The following ZNF106 variants were observed in gnomAD, a reference collection of about 807,000 sequenced individuals.
The protein encoded by ZNF106 is zinc finger protein 106.
ZNF106 carries 67 observed loss-of-function variants against 195.1 expected under a neutral mutation model. The observed-to-expected ratio is 0.34, with a 90% CI of 0.28 to 0.42. The LOEUF is 0.42. Ranked by LOEUF, ZNF106 falls within the 10% of genes least tolerant of loss-of-function variation. The pLI, the probability that ZNF106 is intolerant of heterozygous loss-of-function variation, is 1.00. For synonymous variants in ZNF106, 784 were observed against 818.6 expected (o/e 0.96, Z 0.72); for missense variants, 2,118 against 2,304.5 (o/e 0.92, Z 1.66).
chr15:42,486,578 G>A (rs560510529), intron 1 of ZNF106, among the ~76,000 whole-genome samples: 3 of 152,184 alleles, frequency 2.0e-5, no homozygotes, highest in African/African-American at 7.2e-5. Flanking sequence ...TTACATCTAC[G>A]TATAGCTCAC....
At position 42,438,480 on chromosome 15, in the gene ZNF106, A is replaced by G; in HGVS notation, c.4600+132T>C. On this transcript the variant is annotated intron_variant, in intron 12 of 21. Transcript: ENST00000564754. ...AATATCAGAACTGTTGATCAAGGCA[A>G]TCCTCTTGGTGATAAACCCCTCCCC... 4.0e-6 allele frequency: 3 copies of G among 750,420 alleles called. No individual in the cohort carries two copies. The South Asian group carries it at 5.7e-5, about 14-fold the overall frequency. 46.5% of individuals were successfully genotyped at this position (750,420 alleles called of 1,614,324 possible).
Position 42,452,083 on chromosome 15 carries a change from T to C in ZNF106, c.318-129A>G, listed in dbSNP as rs533859063. On this transcript the variant is annotated intron_variant, in intron 4 of 21. Coordinates refer to ENST00000564754, the MANE Select transcript of ZNF106 (RefSeq NM_001366845.3). ...GAATATGTAACCGAGTCTGGTTTTA[T>C]ATCTAATAGTGGTTGTTTTCATATC... is the stretch of plus-strand genomic sequence containing the variant. The C allele has an allele frequency of 3.1e-4, 277 of 907,326 alleles. 4 individuals carry two copies. Among genetic ancestry groups the C allele is most frequent in the South Asian group, 2.4e-3 (125 of 51,836 alleles). 56.2% of individuals were successfully genotyped at this position (907,326 alleles called of 1,614,324 possible).
Position 42,442,173 on chromosome 15 carries a change from C to G in ZNF106, c.3663G>C (p.Gln1221His), listed in dbSNP as rs762546797. The change falls in exon 10 of 22, where the codon CAG (glutamine) becomes CAC (histidine). Residue 1221 changes from glutamine (Q) to histidine (H), a missense_variant. Physicochemically the swap from Gln to His is conservative, Grantham distance 24. Coordinates refer to ENST00000564754, the MANE Select transcript of ZNF106 (RefSeq NM_001366845.3). ...CAGGAGACATGGGCTCTTGTTTAAT[C>G]TGAACTGATGAGTCTGGAGCAGGGA... ...GSVPAPDSSV[Q>H]IKQEPMSPEQ... The G allele has an allele frequency of 1.9e-6, 3 of 1,614,162 alleles. No individual in the cohort carries two copies. The highest frequency in any genetic ancestry group is 1.3e-5 in the African/African-American group (1 of 75,022).
At chr15:42,444,163 G>T in intron 9 of ZNF106, 39 bp downstream of exon 9, 1 of 821,846 alleles carries the variant, frequency 1.2e-6, no homozygotes, top group Non-Finnish European at 1.9e-6. Flanking sequence ...AAAGTAACAC[G>T]CTATAGAGGG....
chr15:42,421,849 G>T, intron 19 of ZNF106, 68 bp downstream of exon 19: 1 of 1,306,502 alleles, frequency 7.7e-7, no homozygotes, highest in Non-Finnish European at 1.1e-6. Context: ...TGTCACTTTT[G>T]GAAGTGACAA....
chr15:42,463,930 C>T (rs1311769366), intron 3 of ZNF106, among the ~76,000 whole-genome samples: 1 of 152,192 alleles, frequency 6.6e-6, no homozygotes, highest in Non-Finnish European at 1.5e-5. Context: ...AAAAATTCCA[C>T]TAATAGGCTA....
At position 42,416,293 on chromosome 15, in the gene ZNF106, A is replaced by G. The variant is rs1347872949; in HGVS notation, c.*1011T>C. ...AACTGTATTCAGATGCTTTATTCTAACCCCCTCTCCCCCACCATCTTAGTT... is the reference window on the plus strand; with the variant it reads ...AACTGTATTCAGATGCTTTATTCTAGCCCCCTCTCCCCCACCATCTTAGTT... On this transcript the variant is annotated 3_prime_UTR_variant, in exon 22 of 22. Transcript: ENST00000564754. 1 of 151,696 alleles carries G rather than the reference A, an allele frequency of 6.6e-6. No individual in the cohort carries two copies. Among genetic ancestry groups the G allele is most frequent in the Non-Finnish European group, 1.5e-5 (1 of 68,006 alleles). 9.4% of individuals were successfully genotyped at this position (151,696 alleles called of 1,614,324 possible). A position where few individuals can be genotyped will look rare whatever the true frequency, so the allele number is the denominator to read the frequency against.
chr15:42,444,205 G>A lies in ZNF106; in HGVS notation c.3418C>T (p.Gln1140Ter). 6.3e-7 allele frequency: 1 copy of A among 1,588,304 alleles called. No homozygotes were observed. Among genetic ancestry groups the A allele is most frequent in the Non-Finnish European group, 8.6e-7 (1 of 1,164,550 alleles). The change falls in exon 9 of 22, where the codon CAA (glutamine) becomes TAA (stop). Residue 1140 changes from glutamine to a stop codon, truncating the protein, a stop_gained. Transcript: ENST00000564754. LOFTEE classifies it high-confidence loss of function. The part of the protein sequence containing the change: ...THRIQILQGL[Q>*]ETYEPSEHPD... ...CCATCAGATGCCCTCTGAATACCTT[G>A]TAATCCCTGTAGAATCTGTATTCTA...
chr15:42,471,188 C>T (rs1342889522), intron 2 of ZNF106, among the ~76,000 whole-genome samples: 2 of 152,310 alleles, frequency 1.3e-5, no homozygotes, highest in Non-Finnish European at 1.5e-5. Flanking sequence ...AATATCTCTT[C>T]CTCGTTTCTC....
At chr15:42,442,904 G>A (rs1051341581) in intron 9 of ZNF106, among the ~76,000 whole-genome samples, 1 of 151,870 alleles carries the variant, frequency 6.6e-6, no homozygotes, top group African/African-American at 2.4e-5. Context: ...CTGCCTCAGC[G>A]TCCTGAGTAG....
At chr15:42,472,555 C>A (rs1595491235) in intron 1 of ZNF106, among the ~76,000 whole-genome samples, 1 of 151,630 alleles carries the variant, frequency 6.6e-6, no homozygotes, top group East Asian at 2.0e-4. Flanking sequence ...GCTATATAGC[C>A]AAATTCCAAC....
chr15:42,479,163 C>A (rs544632636), intron 1 of ZNF106, among the ~76,000 whole-genome samples: 1 of 152,054 alleles, frequency 6.6e-6, no homozygotes, highest in African/African-American at 2.4e-5. Context: ...CACCTGAGGT[C>A]AGGAGTTCAA....
intron 1 of ZNF106, among the ~76,000 whole-genome samples, chr15:42,483,527 C>T (rs1595500640): frequency 6.6e-6 from 1 of 152,192 alleles, no homozygotes; most frequent in Admixed American, 6.6e-5. Flanking sequence ...TCTAAACATA[C>T]ACATACATGG....
Position 42,439,822 on chromosome 15 carries a change from A to T in ZNF106, c.3764-9T>A, listed in dbSNP as rs755051723. The T allele has an allele frequency of 1.9e-5, 28 of 1,493,268 alleles. No individual in the cohort carries two copies. The highest frequency in any genetic ancestry group is 2.4e-5 in the Non-Finnish European group (27 of 1,125,340). The allele number at this position is 1,493,268 out of a possible 1,614,324, so 92.5% of individuals were successfully genotyped here. On this transcript the variant is annotated splice_polypyrimidine_tract_variant and intron_variant, in intron 10 of 21. Transcript: ENST00000564754. ...ACTGTCACTGATCTCTCCTGAATTG[A>T]GAGGAAAAAAATTATTGCATCCTTT...
At chr15:42,490,594 G>A (rs1467380071) in intron 1 of ZNF106, among the ~76,000 whole-genome samples, 1 of 152,226 alleles carries the variant, frequency 6.6e-6, no homozygotes, top group Non-Finnish European at 1.5e-5. Flanking sequence ...AACGGAGGTT[G>A]TCAGTCGCGA....
At chr15:42,420,739 T>C (rs1378578369) in intron 20 of ZNF106, among the ~76,000 whole-genome samples, 2 of 152,326 alleles carry the variant, frequency 1.3e-5, no homozygotes, top group South Asian at 2.1e-4. Flanking sequence ...TGCCTATTCC[T>C]CAAAAACCAA....
chr15:42,432,532 C>T (rs1359247511), intron 14 of ZNF106, among the ~76,000 whole-genome samples: 1 of 152,020 alleles, frequency 6.6e-6, no homozygotes, highest in African/African-American at 2.4e-5. Flanking sequence ...ATATCTATTT[C>T]CATTCTTATT....
Position 42,450,302 on chromosome 15 carries a change from G to C in ZNF106, c.1970C>G (p.Thr657Ser). ...EKEEDDRILK[T>S]SRELSTSPCN... ...TGGGGAAGTGGATAGCTCTCTAGAA[G>C]TCTTCAGGATGCGGTCATCCTCCTC... Residue 657 changes from threonine (T) to serine (S), a missense_variant, in exon 5 of 22, where the codon ACT becomes AGT. By Grantham distance (58) the Thr-to-Ser change is moderately conservative. Transcript: ENST00000564754. The C allele has an allele frequency of 6.2e-7, 1 of 1,614,194 alleles. No homozygotes were observed. Among genetic ancestry groups the C allele is most frequent in the Non-Finnish European group, 8.5e-7 (1 of 1,180,030 alleles).
chr15:42,423,544 TA>T (rs1370806847), intron 17 of ZNF106, among the ~76,000 whole-genome samples: 1 of 151,666 alleles, frequency 6.6e-6, no homozygotes, highest in East Asian at 2.0e-4. Context: ...CCCAGCTAAT[TA>T]AAAAAAAATT....
Sources: gnomAD v4.1 joint callset for allele counts (sites outside exome capture counted in the v4.1 genomes callset) on GRCh38, gnomAD v4.1.1 for gene constraint, MANE v1.5 for transcripts, NCBI Gene and HGNC (gene_info 2026-07-23, HGNC 2026-07-21) for gene names.